PTPDC1: variants seen among roughly 807,000 people sequenced by gnomAD.
PTPDC1 encodes protein tyrosine phosphatase domain containing 1.
A neutral mutation model predicts 75.3 loss-of-function variants in PTPDC1; 53 were observed. The ratio of observed to expected loss-of-function variants is 0.70; its 90% CI spans 0.56 to 0.88. The LOEUF (loss-of-function observed/expected upper bound fraction) is 0.88. PTPDC1 is among the 40% of genes least tolerant of loss of function. The pLI is 0.00. For synonymous variants in PTPDC1, 349 were observed against 366.2 expected (o/e 0.95, Z 0.54); for missense variants, 925 against 998.6 (o/e 0.93, Z 0.99).
At chr9:94,035,006 T>A (rs957472768) in intron 1 of PTPDC1, among the ~76,000 whole-genome samples, 2 of 152,240 alleles carry the variant, frequency 1.3e-5, no homozygotes, top group African/African-American at 2.4e-5. Context: ...TCATTTAGAA[T>A]CATGCCTTTG....
chr9:94,100,044 A>G (rs891158745), intron 6 of PTPDC1: 4 of 152,242 alleles, frequency 2.6e-5, no homozygotes, highest in Admixed American at 2.0e-4. Context: ...GTACTAGACC[A>G]TTTCACATAT....
chr9:94,098,502 C>T lies in PTPDC1; in HGVS notation c.1936C>T (p.Leu646=). 1 of 1,614,142 alleles carries T rather than the reference C, an allele frequency of 6.2e-7. No individual in the cohort carries two copies. Among genetic ancestry groups the T allele is most frequent in the Non-Finnish European group, 8.5e-7 (1 of 1,180,002 alleles). The change falls in exon 6 of 9, where the codon CTG becomes TTG. Residue 646 remains leucine (L), a synonymous_variant. Transcript: ENST00000620992. ...SELSAEARRI[L]AAKALANLNE... is the part of the protein sequence containing the mutation. ...ATTGAGTGCTGAGGCAAGAAGAATA[C>T]TGGCGGCCAAAGCCCTAGCAAATTT...
At chr9:94,057,750 A>T in intron 1 of PTPDC1, among the ~76,000 whole-genome samples, 1 of 152,218 alleles carries the variant, frequency 6.6e-6, no homozygotes, top group East Asian at 1.9e-4. Context: ...TTTGAAATAT[A>T]ATTTTTGATC....
chr9:94,062,989 A>T (rs1826189042), intron 1 of PTPDC1, among the ~76,000 whole-genome samples: 1 of 152,178 alleles, frequency 6.6e-6, no homozygotes, highest in African/African-American at 2.4e-5. Context: ...GTCATAACTC[A>T]TCCTCATGAC....
At chr9:94,046,897 T>G (rs1451354241) in intron 1 of PTPDC1, among the ~76,000 whole-genome samples, 1 of 152,234 alleles carries the variant, frequency 6.6e-6, no homozygotes, top group African/African-American at 2.4e-5. Context: ...ATAGGAGTGG[T>G]GAGAGACAGC....
intron 2 of PTPDC1, among the ~76,000 whole-genome samples, chr9:94,076,478 A>G (rs1344056004): frequency 6.6e-6 from 1 of 152,148 alleles, no homozygotes; most frequent in Non-Finnish European, 1.5e-5. Context: ...ACTTAGCATA[A>G]TGTTTTCAAG....
chr9:94,100,138 G>A (rs1827785086), intron 6 of PTPDC1: 1 of 152,158 alleles, frequency 6.6e-6, no homozygotes, highest in Non-Finnish European at 1.5e-5. Flanking sequence ...TGTTAATCTT[G>A]TGAATTCAGT....
intron 4 of PTPDC1, among the ~76,000 whole-genome samples, chr9:94,093,846 G>A (rs1827425929): frequency 1.4e-5 from 2 of 146,328 alleles, no homozygotes; most frequent in Non-Finnish European, 3.0e-5. Flanking sequence ...ATCTTCCATT[G>A]CTGATACCCT....
At position 94,087,909 on chromosome 9, in the gene PTPDC1, C is replaced by T; in HGVS notation, c.495C>T (p.Leu165=). ...AGTACCACATCATTGATCAGTTCCT[C>T]AGGTAAATGCTGTATTGTTCACACA... ...LEKYHIIDQF[L]SHGIKTIINL... The change falls in exon 3 of 9, where the codon CTC becomes CTT. Residue 165 remains leucine (L), a splice_region_variant and synonymous_variant. Coordinates refer to ENST00000620992, the MANE Select transcript of PTPDC1 (RefSeq NM_001253829.2). 7 of 1,612,492 alleles carry T rather than the reference C, an allele frequency of 4.3e-6. No homozygotes were observed. Among genetic ancestry groups the T allele is most frequent in the South Asian group, 1.1e-5 (1 of 91,040 alleles).
intron 1 of PTPDC1, among the ~76,000 whole-genome samples, chr9:94,043,047 T>C (rs942646550): frequency 6.6e-6 from 1 of 152,244 alleles, no homozygotes; most frequent in African/African-American, 2.4e-5. Flanking sequence ...TCTTGCTGTT[T>C]ACACTACATG....
At chr9:94,072,625 GCATT>G (rs1205746629) in intron 2 of PTPDC1, among the ~76,000 whole-genome samples, 1 of 152,056 alleles carries the variant, frequency 6.6e-6, no homozygotes, top group Non-Finnish European at 1.5e-5. Flanking sequence ...TAGGGAGAAG[GCATT>G]CAGTCTTTCA....
chr9:94,040,130 A>C (rs1306944041), intron 1 of PTPDC1, among the ~76,000 whole-genome samples: 1 of 152,240 alleles, frequency 6.6e-6, no homozygotes, highest in Non-Finnish European at 1.5e-5. Context: ...AACAAAGGAG[A>C]CTTCTTTACC....
rs1441202683 is a variant in PTPDC1 at position 94,097,435 on chromosome 9, G to A, written c.869G>A (p.Cys290Tyr). ...NSIQTRGQLL[C>Y]VREFTQFLTP... ...ATACAAACCAGAGGACAGCTCCTCT[G>A]TGTAAGGGAATTTACTCAGTTTCTA... The change falls in exon 6 of 9, where the codon TGT becomes TAT. Residue 290 changes from cysteine (C) to tyrosine (Y), a missense_variant. Coordinates refer to ENST00000620992, the MANE Select transcript of PTPDC1 (RefSeq NM_001253829.2). 2 of 1,614,038 alleles carry A rather than the reference G, an allele frequency of 1.2e-6. No homozygotes were observed. Among genetic ancestry groups the A allele is most frequent in the Non-Finnish European group, 1.7e-6 (2 of 1,180,018 alleles).
At chr9:94,036,190 G>C (rs1277218492) in intron 1 of PTPDC1, among the ~76,000 whole-genome samples, 2 of 151,788 alleles carry the variant, frequency 1.3e-5, no homozygotes, top group African/African-American at 2.4e-5. Flanking sequence ...TTTTTGGTTT[G>C]TTGTAGACCT....
At chr9:94,072,484 G>A (rs1037287983) in intron 2 of PTPDC1, among the ~76,000 whole-genome samples, 39 of 152,006 alleles carry the variant, frequency 2.6e-4, no homozygotes, top group African/African-American at 7.7e-4. Flanking sequence ...TGCAAATAAG[G>A]ACAGTTCTAT....
At chr9:94,075,493 T>C (rs1826653333) in intron 2 of PTPDC1, among the ~76,000 whole-genome samples, 1 of 152,202 alleles carries the variant, frequency 6.6e-6, no homozygotes, top group Non-Finnish European at 1.5e-5. Flanking sequence ...TTAGGTCACA[T>C]ATTCCACAGA....
In PTPDC1 at chr9:94,084,523, C is replaced by T; in HGVS notation, c.-8C>T. Reference sequence around the variant, plus strand: ...TCTTCCTGCCTCCGGCTCTTGCCTCCCAGTGCCATGCAGGTGCAGGATGCA... The same window carrying T: ...TCTTCCTGCCTCCGGCTCTTGCCTCTCAGTGCCATGCAGGTGCAGGATGCA... On this transcript the variant is annotated 5_prime_UTR_variant, in exon 1 of 9. Transcript: ENST00000620992. The T allele has an allele frequency of 1.2e-6, 2 of 1,609,632 alleles. No individual in the cohort carries two copies. Among genetic ancestry groups the T allele is most frequent in the South Asian group, 2.2e-5 (2 of 90,970 alleles).
intron 4 of PTPDC1, among the ~76,000 whole-genome samples, chr9:94,094,990 T>C (rs1361541764): frequency 6.6e-6 from 1 of 152,204 alleles, no homozygotes; most frequent in Non-Finnish European, 1.5e-5. Context: ...CACTCCCTAA[T>C]GAGATGAACC....
chr9:94,062,932 A>C (rs951366131), intron 1 of PTPDC1, among the ~76,000 whole-genome samples: 2 of 152,190 alleles, frequency 1.3e-5, no homozygotes, highest in Non-Finnish European at 2.9e-5. Context: ...TCACGAGGGT[A>C]CCTATATACT....
Sources: gnomAD v4.1 joint callset for allele counts (sites outside exome capture counted in the v4.1 genomes callset) on GRCh38, gnomAD v4.1.1 for gene constraint, MANE v1.5 for transcripts, NCBI Gene and HGNC (gene_info 2026-07-23, HGNC 2026-07-21) for gene names.